POMK: variants seen among roughly 807,000 people sequenced by gnomAD.
POMK encodes the protein protein O-mannose kinase.
A neutral mutation model predicts 23.0 loss-of-function variants in POMK; 19 were observed. The ratio of observed to expected loss-of-function variants is 0.83; its 90% confidence interval spans 0.58 to 1.21. The LOEUF is 1.21. POMK is among the 50% of genes most tolerant of loss of function. The pLI is 0.00. For missense variants in POMK, 410 were observed against 431.3 expected, an observed-to-expected ratio of 0.95 and a Z score of 0.44; for synonymous variants, 173 against 171.6, an observed-to-expected ratio of 1.01 and a Z score of -0.06.
At chr8:43,111,741 G>C (rs935368233) in intron 4 of POMK, among the ~76,000 whole-genome samples, 2 of 152,176 alleles carry the variant, frequency 1.3e-5, no homozygotes, top group African/African-American at 2.4e-5. Context: ...GGAACGATCG[G>C]GCAGCAGCAT....
rs913279099 is a variant in POMK at position 43,113,886 on chromosome 8, G to C, written c.283-8221G>C. ...TTGCTAGAGGTCCACTCCAGACCCT[G>C]TTTGCCTGGGTACCAGCAGCGGTGG... On this transcript the variant is annotated intron_variant, in intron 4 of 4. Transcript: ENST00000331373. Among the ~76,000 whole-genome samples the C allele has an allele frequency of 1.7e-4, 26 of 152,082 alleles. 1 individual carries two copies. Among genetic ancestry groups the C allele is most frequent in the African/African-American group, 6.3e-4 (26 of 41,568 alleles).
chr8:43,109,406 C>T (rs547301277), intron 4 of POMK, among the ~76,000 whole-genome samples: 2 of 152,206 alleles, frequency 1.3e-5, no homozygotes, highest in African/African-American at 4.8e-5. Context: ...TTTAATATTC[C>T]ATAAAAATCC....
At chr8:43,099,481 C>T (rs1193691208) in intron 2 of POMK, among the ~76,000 whole-genome samples, 1 of 152,198 alleles carries the variant, frequency 6.6e-6, no homozygotes, top group African/African-American at 2.4e-5. Context: ...GACCCCACTA[C>T]GTGGACTCAG....
Position 43,122,964 on chromosome 8 carries a change from T to G in POMK, c.*87T>G, listed in dbSNP as rs1211593153. The stretch of plus-strand genomic sequence containing the variant: ...CTGATGGTGGAGTTTTTTGCCTGAG[T>G]TTCGTGTTTTATTGTTTTTTTTATG... On this transcript the variant is annotated 3_prime_UTR_variant, in exon 5 of 5. Transcript: ENST00000331373. The G allele has an allele frequency of 2.4e-6, 3 of 1,268,040 alleles. No individual in the cohort carries two copies. The highest frequency in any genetic ancestry group is 4.6e-5 in the Admixed American group (2 of 43,660). The allele number at this position is 1,268,040 out of a possible 1,614,324, so 78.5% of individuals were successfully genotyped here.
intron 1 of POMK, among the ~76,000 whole-genome samples, chr8:43,095,031 A>C (rs1586668041): frequency 6.6e-6 from 1 of 152,356 alleles, no homozygotes; most frequent in South Asian, 2.1e-4. Context: ...TGTGAAACAA[A>C]AAAGCAAATC....
intron 4 of POMK, among the ~76,000 whole-genome samples, chr8:43,105,355 C>G (rs931073843): frequency 6.6e-6 from 1 of 152,198 alleles, no homozygotes; most frequent in Non-Finnish European, 1.5e-5. Context: ...CCCTTCCCAG[C>G]CTCTAGAAAA....
At chr8:43,095,805 A>G (rs1811322489) in intron 1 of POMK, among the ~76,000 whole-genome samples, 1 of 152,230 alleles carries the variant, frequency 6.6e-6, no homozygotes, top group South Asian at 2.1e-4. Flanking sequence ...TATAAGCTTC[A>G]GGCCCCATAA....
At position 43,122,351 on chromosome 8, in the gene POMK, A is replaced by G. The variant is rs756972141; in HGVS notation, c.527A>G (p.Gln176Arg). 1 of 1,614,242 alleles carries G rather than the reference A, an allele frequency of 6.2e-7. No individual in the cohort carries two copies. ...AAGTACCAAAATGTGAACACGTGGC[A>G]GCACAGGCTGGAGCTGGCCATGGAC... ...LSKYQNVNTWQHRLELAMDYV... is the reference protein window; with the variant it reads ...LSKYQNVNTWRHRLELAMDYV... Residue 176 changes from glutamine to arginine, a missense_variant, in exon 5 of 5, where the codon CAG becomes CGG. Transcript: ENST00000331373.
At chr8:43,099,257 C>T (rs958067878) in intron 2 of POMK, among the ~76,000 whole-genome samples, 1 of 152,192 alleles carries the variant, frequency 6.6e-6, no homozygotes, top group Admixed American at 6.5e-5. Context: ...TGACCCTTTG[C>T]ACATTTTTAA....
chr8:43,110,508 A>G (rs564545619), intron 4 of POMK, among the ~76,000 whole-genome samples: 1 of 152,256 alleles, frequency 6.6e-6, no homozygotes, highest in African/African-American at 2.4e-5. Context: ...TACGTTCACA[A>G]CTTACAGAGA....
rs529317315 is a variant in POMK, at chr8:43,110,624, A to G, written c.282+6794A>G. On this transcript the variant is annotated intron_variant, in intron 4 of 4. Transcript: ENST00000331373. ...TTTACCATACAAGATCTTTTCTTAT[A>G]TAAAATTTCTTGGCTGGGCGTGGTG... is the stretch of plus-strand genomic sequence containing the variant. Among the ~76,000 whole-genome samples the G allele has an allele frequency of 5.3e-5, 8 of 152,328 alleles. No homozygotes were observed. In the South Asian group the frequency reaches 1.7e-3, roughly 32 times the overall value.
intron 4 of POMK, among the ~76,000 whole-genome samples, chr8:43,115,916 G>A (rs989640436): frequency 1.3e-5 from 2 of 152,278 alleles, no homozygotes; most frequent in Non-Finnish European, 2.9e-5. Flanking sequence ...GAAGCCTGTG[G>A]GCATGCTGCC....
chr8:43,103,399 G>A (rs1811481693), intron 3 of POMK, 129 bp from the exon 4 acceptor site: 4 of 825,412 alleles, frequency 4.8e-6, no homozygotes, highest in Non-Finnish European at 7.9e-6. Flanking sequence ...TTCGATACCT[G>A]CTTTAATCCC....
At chr8:43,095,688 CA>C (rs1811320141) in intron 1 of POMK, among the ~76,000 whole-genome samples, 5 of 152,172 alleles carry the variant, frequency 3.3e-5, no homozygotes, top group African/African-American at 4.8e-5. Context: ...AAATACCTTC[CA>C]AAACCTTGCA....
chr8:43,116,957 A>G (rs1367433426), intron 4 of POMK, among the ~76,000 whole-genome samples: 2 of 151,894 alleles, frequency 1.3e-5, no homozygotes, highest in African/African-American at 2.4e-5. Flanking sequence ...AGGTAAAGGA[A>G]AATTACAGTC....
At chr8:43,120,540 TTA>T (rs1391187866) in intron 4 of POMK, among the ~76,000 whole-genome samples, 5 of 151,906 alleles carry the variant, frequency 3.3e-5, no homozygotes, top group Non-Finnish European at 5.9e-5. Context: ...CTTTTATCTG[TTA>T]TAACTGTATA....
intron 4 of POMK, among the ~76,000 whole-genome samples, chr8:43,113,077 CA>C (rs1811714201): frequency 1.3e-5 from 2 of 152,128 alleles, no homozygotes; most frequent in African/African-American, 4.8e-5. Context: ...GTGAATCTCA[CA>C]ATTATGTGTC....
intron 4 of POMK, among the ~76,000 whole-genome samples, chr8:43,113,943 ATGCTGC>A (rs1463263538): frequency 6.6e-6 from 1 of 152,244 alleles, no homozygotes; most frequent in Admixed American, 6.5e-5. Flanking sequence ...TGAACCGCGA[ATGCTGC>A]TGTCTGATCG....
intron 4 of POMK, among the ~76,000 whole-genome samples, chr8:43,110,861 A>T (rs1811640310): frequency 6.6e-6 from 1 of 152,100 alleles, no homozygotes; most frequent in Admixed American, 6.6e-5. Context: ...CGGAGGTTGC[A>T]GTGAGCCGAG....
Sources: gnomAD v4.1 joint callset for allele counts (sites outside exome capture counted in the v4.1 genomes callset) on GRCh38, gnomAD v4.1.1 for gene constraint, MANE v1.5 for transcripts, NCBI Gene and HGNC (gene_info 2026-07-23, HGNC 2026-07-21) for gene names.